The following PATJ variants were observed in gnomAD, a reference collection of about 807,000 sequenced individuals.
PATJ encodes inaD-like protein.
Under a neutral mutation model 224.9 loss-of-function variants are expected in PATJ, and 190 were observed. That is an observed-to-expected ratio of 0.84 (90% CI 0.75 to 0.95). The LOEUF (loss-of-function observed/expected upper bound fraction) is 0.95, where lower values mean the gene tolerates loss of function less well. Ranked by LOEUF, PATJ falls within the 40% of genes least tolerant of loss-of-function variation. The probability of loss-of-function intolerance (pLI) is 0.00; values close to 1 mark genes in which losing one functional copy is unlikely to be tolerated. For synonymous variants in PATJ, 769 were observed against 820.3 expected (o/e 0.94, Z 1.07); for missense variants, 2,121 against 2,270.3 (o/e 0.93, Z 1.34).
intron 27 of PATJ, among the ~76,000 whole-genome samples, chr1:61,974,857 T>C (rs1248018234): frequency 6.6e-6 from 1 of 152,124 alleles, no homozygotes; most frequent in Non-Finnish European, 1.5e-5. Flanking sequence ...CTGTGACCTG[T>C]AGTGTCCTTG....
intron 20 of PATJ, chr1:61,865,256 C>T (rs1347220166): frequency 6.7e-6 from 1 of 149,534 alleles, no homozygotes; most frequent in Non-Finnish European, 1.5e-5. Context: ...CTCTCTGTCG[C>T]CCAGGCTGGA....
At chr1:61,934,304 G>C in intron 27 of PATJ, among the ~76,000 whole-genome samples, 1 of 152,218 alleles carries the variant, frequency 6.6e-6, no homozygotes, top group South Asian at 2.1e-4. Flanking sequence ...TTTTAGTAGA[G>C]ATGGGGTTTC....
intron 27 of PATJ, 70 bp from the exon 28 acceptor site, chr1:61,990,098 G>A (rs1336348413): frequency 8.9e-7 from 1 of 1,124,344 alleles, no homozygotes; most frequent in East Asian, 2.6e-5. Flanking sequence ...AGTAAGGATG[G>A]GGAAATGCTG....
chr1:62,087,646 G>A (rs1226497410), intron 33 of PATJ, among the ~76,000 whole-genome samples: 1 of 151,350 alleles, frequency 6.6e-6, no homozygotes, highest in African/African-American at 2.4e-5. Context: ...CCTACCATTG[G>A]GCCCCGTCTA....
chr1:62,133,455 G>A (rs543630128), intron 41 of PATJ, among the ~76,000 whole-genome samples: 1 of 152,152 alleles, frequency 6.6e-6, no homozygotes, highest in Admixed American at 6.5e-5. Flanking sequence ...GTTGGCACAT[G>A]CCTGTAGTCC....
chr1:61,806,491 C>T (rs528624366), intron 13 of PATJ, among the ~76,000 whole-genome samples: 16 of 151,964 alleles, frequency 1.1e-4, no homozygotes, highest in African/African-American at 3.6e-4. Flanking sequence ...TGGTGGCGGT[C>T]GCCTGTAATC....
chr1:62,155,779 C>T (rs1455594939), intron 43 of PATJ, among the ~76,000 whole-genome samples: 2 of 151,564 alleles, frequency 1.3e-5, no homozygotes, highest in African/African-American at 2.4e-5. Context: ...TATTCCAGGC[C>T]GGGTGCGGTG....
Position 61,779,300 on chromosome 1 carries a change from G to A in PATJ, c.849+3966G>A, listed in dbSNP as rs144025667. On this transcript the variant is annotated intron_variant, in intron 7 of 43. Coordinates refer to ENST00000642238, the MANE Select transcript of PATJ (RefSeq NM_001350145.3). ...CAGGAGGCTGGAAACCCAGACAAGT[G>A]TTGATGTTGTAGTCTTGTGTTTGAG... is the stretch of plus-strand genomic sequence containing the variant. Among the ~76,000 whole-genome samples the A allele has an allele frequency of 7.5e-3, 1,141 of 152,320 alleles. 8 individuals are homozygous for A. Among genetic ancestry groups the A allele is most frequent in the Middle Eastern group, 0.048 (14 of 294 alleles).
chr1:61,908,729 G>A (rs943214638), intron 25 of PATJ, among the ~76,000 whole-genome samples: 4 of 152,150 alleles, frequency 2.6e-5, no homozygotes, highest in African/African-American at 9.7e-5. Flanking sequence ...AAACAGACCT[G>A]TTTTCAATTT....
chr1:61,969,328 T>C (rs577439640), intron 27 of PATJ, among the ~76,000 whole-genome samples: 1 of 152,316 alleles, frequency 6.6e-6, no homozygotes, highest in East Asian at 1.9e-4. Flanking sequence ...ATATACCATT[T>C]TACAATCCTA....
At chr1:62,134,704 G>C (rs1230958465) in intron 41 of PATJ, among the ~76,000 whole-genome samples, 3 of 152,096 alleles carry the variant, frequency 2.0e-5, no homozygotes, top group Non-Finnish European at 4.4e-5. Flanking sequence ...GAAGAATAGG[G>C]AGTGCCTGGG....
At chr1:61,884,608 T>G (rs1436312536) in intron 22 of PATJ, among the ~76,000 whole-genome samples, 200 bp downstream of exon 22, 1 of 152,186 alleles carries the variant, frequency 6.6e-6, no homozygotes, top group Non-Finnish European at 1.5e-5. Context: ...ATTTTGTATC[T>G]TGCAGTGGTG....
At chr1:61,971,893 G>A (rs1198039211) in intron 27 of PATJ, among the ~76,000 whole-genome samples, 1 of 150,340 alleles carries the variant, frequency 6.7e-6, no homozygotes, top group East Asian at 1.9e-4. Flanking sequence ...GGCGGCTGAA[G>A]CAAAAGGATC....
chr1:61,849,840 T>A (rs979624413), intron 17 of PATJ, among the ~76,000 whole-genome samples: 1 of 152,222 alleles, frequency 6.6e-6, no homozygotes, highest in African/African-American at 2.4e-5. Flanking sequence ...CAAAAGATAT[T>A]CTTCATTTTG....
intron 14 of PATJ, among the ~76,000 whole-genome samples, chr1:61,812,433 A>AGAGAGAGAGAGAGTGT (rs1397549346): frequency 2.3e-5 from 2 of 85,150 alleles, no homozygotes; most frequent in African/African-American, 9.0e-5. Flanking sequence ...AGAGAGAGAG[A>AGAGAGAGAGAGAGTGT]GTGTGTGTGT....
In PATJ at chr1:62,161,018, C is replaced by T. The variant is rs1465563886; in HGVS notation, c.5613C>T (p.His1871=). Reference sequence around the variant, plus strand: ...AGCAAGCAGTCGCCATTCTAAAACACCAGAGAGGGACTGTAACCTTAACTG... The same window carrying T: ...AGCAAGCAGTCGCCATTCTAAAACATCAGAGAGGGACTGTAACCTTAACTG... ...THEQAVAILK[H]QRGTVTLTVL... The change falls in exon 44 of 44, where the codon CAC becomes CAT. Residue 1871 remains histidine, a synonymous_variant. Coordinates refer to ENST00000642238, the MANE Select transcript of PATJ (RefSeq NM_001350145.3). 5.2e-5 allele frequency: 83 copies of T among 1,602,208 alleles called. 1 individual carries two copies. The highest frequency in any genetic ancestry group is 9.0e-5 in the South Asian group (8 of 89,106).
intron 1 of PATJ, among the ~76,000 whole-genome samples, chr1:61,744,444 T>G (rs1257825741): frequency 6.6e-6 from 1 of 152,146 alleles, no homozygotes; most frequent in African/African-American, 2.4e-5. Flanking sequence ...TCCCTCAGGC[T>G]CTCTAGTTTG....
At chr1:62,151,130 A>C (rs1044343138) in intron 42 of PATJ, among the ~76,000 whole-genome samples, 3 of 143,436 alleles carry the variant, frequency 2.1e-5, no homozygotes, top group African/African-American at 7.9e-5. Flanking sequence ...CAAGAGTGGA[A>C]CTCTGTCTCA....
At chr1:62,125,639 T>G (rs529223625) in intron 39 of PATJ, among the ~76,000 whole-genome samples, 51 of 152,316 alleles carry the variant, frequency 3.3e-4, no homozygotes, top group South Asian at 1.2e-3. Context: ...CATAAATTTC[T>G]CCTCTAAGAT....
Sources: allele counts gnomAD v4.1 joint callset (sites outside exome capture counted in the v4.1 genomes callset), GRCh38; gene constraint gnomAD v4.1.1; transcripts MANE v1.5; gene names NCBI Gene and HGNC (gene_info 2026-07-23, HGNC 2026-07-21).